The following DCC variants were observed in gnomAD, a reference collection of about 807,000 sequenced individuals.
DCC encodes netrin receptor DCC.
Under a neutral mutation model 172.5 loss-of-function variants are expected in DCC, and 58 were observed. That is an observed-to-expected ratio of 0.34 (90% CI 0.27 to 0.42). DCC has a LOEUF of 0.42. DCC is among the 10% of genes least tolerant of loss of function. The pLI, the probability that DCC is intolerant of heterozygous loss-of-function variation, is 1.00. For synonymous variants in DCC, 709 were observed against 644.5 expected, an observed-to-expected ratio of 1.10 and a Z score of -1.52; for missense variants, 1,740 against 1,791.0, an observed-to-expected ratio of 0.97 and a Z score of 0.51.
chr18:53,099,939 C>CTTTTTTTTTTTTT lies in DCC; in HGVS notation c.1261+33776_1261+33777insTTTTTTTTTTTTT, dbSNP rs200213348. On this transcript the variant is annotated intron_variant, in intron 7 of 28. Transcript: ENST00000442544. ...AAGAGACTTTTCTTTTCTTTTCTTT[C>CTTTTTTTTTTTTT]TTTCTTTTTTTTTTTTTTTTTGTTT... 1.2e-3 allele frequency among the ~76,000 whole-genome samples: 102 copies of CTTTTTTTTTTTTT among 87,168 alleles called. 16 individuals carry two copies. Among genetic ancestry groups the CTTTTTTTTTTTTT allele is most frequent in the African/African-American group, 3.5e-3 (66 of 18,838 alleles). The allele number at this position is 87,168 out of a possible 152,430, so 57.2% of individuals were successfully genotyped here.
At chr18:53,324,907 T>TA (rs2057450358) in intron 14 of DCC, among the ~76,000 whole-genome samples, 1 of 152,104 alleles carries the variant, frequency 6.6e-6, no homozygotes, top group South Asian at 2.1e-4. Context: ...TTAACTAACT[T>TA]AATCAAGTAG....
intron 12 of DCC, among the ~76,000 whole-genome samples, chr18:53,217,626 A>C (rs2055874437): frequency 6.6e-6 from 1 of 152,034 alleles, no homozygotes; most frequent in African/African-American, 2.4e-5. Flanking sequence ...TCAAAACACC[A>C]CTTTTTGCAT....
At chr18:53,353,697 T>C (rs574593161) in intron 15 of DCC, among the ~76,000 whole-genome samples, 33 of 152,224 alleles carry the variant, frequency 2.2e-4, no homozygotes, top group Non-Finnish European at 4.4e-4. Flanking sequence ...ATTTTCTTTC[T>C]GTATTTTTAA....
intron 1 of DCC, among the ~76,000 whole-genome samples, chr18:52,478,423 A>G (rs1221464685): frequency 6.6e-6 from 1 of 152,196 alleles, no homozygotes; most frequent in Non-Finnish European, 1.5e-5. Flanking sequence ...TGCATTTCAC[A>G]CAAGTCTCCA....
chr18:53,450,721 T>G, intron 23 of DCC, 59 bp downstream of exon 23: 1 of 1,351,594 alleles, frequency 7.4e-7, no homozygotes, highest in Middle Eastern at 1.8e-4. Flanking sequence ...GTTATATTTT[T>G]GATGGTCCTC....
intron 1 of DCC, among the ~76,000 whole-genome samples, chr18:52,394,432 A>AT (rs1169476734): frequency 1.3e-5 from 2 of 149,806 alleles, no homozygotes; most frequent in Non-Finnish European, 3.0e-5. Context: ...TACCTGGCTA[A>AT]TTTTTTAAAG....
intron 1 of DCC, among the ~76,000 whole-genome samples, chr18:52,629,015 T>C (rs564680942): frequency 1.3e-5 from 2 of 152,282 alleles, no homozygotes; most frequent in Admixed American, 6.5e-5. Flanking sequence ...GCTGAAATAG[T>C]AGATTTAAAT....
intron 12 of DCC, among the ~76,000 whole-genome samples, chr18:53,280,865 T>TAA (rs61413156): frequency 1.3e-5 from 2 of 151,940 alleles, no homozygotes; most frequent in African/African-American, 4.8e-5. Flanking sequence ...TTTTTGTAGG[T>TAA]AAAAAAAGTT....
intron 12 of DCC, among the ~76,000 whole-genome samples, chr18:53,266,356 A>G (rs530475426): frequency 1.3e-5 from 2 of 152,340 alleles, no homozygotes; most frequent in African/African-American, 4.8e-5. Context: ...GGAGGAGATC[A>G]TCTCACTTAA....
In DCC at chr18:53,097,260, AGTT is replaced by A. The variant is rs567867430; in HGVS notation, c.1261+31102_1261+31104del. Among the ~76,000 whole-genome samples, 856 of 152,254 alleles carry A rather than the reference AGTT, an allele frequency of 5.6e-3. 4 individuals are homozygous for A. The highest frequency in any genetic ancestry group is 1.0e-2 in the Non-Finnish European group (680 of 68,004). On this transcript the variant is annotated intron_variant, in intron 7 of 28. Transcript: ENST00000442544. ...AGCATTGAAAGGTGTAAATTGAGTC[AGTT>A]GTTGTTGATTTATGAAGAAATGGGC...
At chr18:52,790,212 T>C (rs950471717) in intron 2 of DCC, among the ~76,000 whole-genome samples, 6 of 152,144 alleles carry the variant, frequency 3.9e-5, no homozygotes, top group Non-Finnish European at 7.3e-5. Flanking sequence ...GCCAAGTTTG[T>C]TATAGACTGT....
chr18:53,135,385 A>G (rs2043725058), intron 7 of DCC, among the ~76,000 whole-genome samples: 1 of 152,208 alleles, frequency 6.6e-6, no homozygotes, highest in African/African-American at 2.4e-5. Flanking sequence ...TGGATTAAGG[A>G]TAATAAGGGA....
chr18:52,570,812 G>A (rs535141632), intron 1 of DCC, among the ~76,000 whole-genome samples: 4 of 152,090 alleles, frequency 2.6e-5, no homozygotes, highest in East Asian at 1.9e-4. Context: ...ATTCCTTTCC[G>A]TTATTCTGTT....
intron 9 of DCC, among the ~76,000 whole-genome samples, chr18:53,183,702 T>G (rs8099181): frequency 0.12 from 18,001 of 152,036 alleles, 1,206 homozygotes; most frequent in African/African-American, 0.18. Context: ...AACCCACCAA[T>G]TTGAGTGACT....
At chr18:53,164,777 T>G (rs2054891579) in intron 8 of DCC, among the ~76,000 whole-genome samples, 1 of 152,184 alleles carries the variant, frequency 6.6e-6, no homozygotes, top group Admixed American at 6.5e-5. Context: ...ATAACTGAAA[T>G]ACAAGGGTGT....
At chr18:53,245,995 T>A (rs943673041) in intron 12 of DCC, among the ~76,000 whole-genome samples, 5 of 152,062 alleles carry the variant, frequency 3.3e-5, no homozygotes, top group African/African-American at 1.2e-4. Flanking sequence ...TCAGCTGTCA[T>A]GCTTTCTCAG....
At chr18:52,356,570 T>G (rs752524749) in intron 1 of DCC, among the ~76,000 whole-genome samples, 5 of 152,154 alleles carry the variant, frequency 3.3e-5, no homozygotes, top group Non-Finnish European at 7.3e-5. Context: ...AATTGATAAA[T>G]TATTATTAGG....
chr18:52,847,951 T>A (rs547750387), intron 2 of DCC, among the ~76,000 whole-genome samples: 1 of 152,314 alleles, frequency 6.6e-6, no homozygotes, highest in South Asian at 2.1e-4. Flanking sequence ...GTTGTATGAA[T>A]TGACATCAGT....
At chr18:52,815,758 A>G (rs2038285056) in intron 2 of DCC, among the ~76,000 whole-genome samples, 1 of 152,232 alleles carries the variant, frequency 6.6e-6, no homozygotes, top group Non-Finnish European at 1.5e-5. Flanking sequence ...AGTAATAATG[A>G]TTTATTAGAT....
Sources: allele counts gnomAD v4.1 joint callset (sites outside exome capture counted in the v4.1 genomes callset), GRCh38; gene constraint gnomAD v4.1.1; transcripts MANE v1.5; gene names NCBI Gene and HGNC (gene_info 2026-07-23, HGNC 2026-07-21).